The following PTPRD variants were observed in gnomAD, a reference collection of about 807,000 sequenced individuals.
The protein encoded by PTPRD is protein tyrosine phosphatase receptor type D, also known as receptor-type tyrosine-protein phosphatase delta.
In PTPRD, 34 loss-of-function variants were observed where a neutral mutation model predicts 214.5. The observed-to-expected ratio is 0.16, with a 90% CI of 0.12 to 0.21. The LOEUF (loss-of-function observed/expected upper bound fraction) is 0.21. PTPRD is among the 10% of genes least tolerant of loss of function. PTPRD has a pLI of 1.00. For missense variants in PTPRD, 2,545 were observed against 2,398.7 expected (o/e 1.06, Z -1.27); for synonymous variants, 1,128 against 845.7 (o/e 1.33, Z -5.79).
chr9:10,254,971 T>C (rs143997222), intron 3 of PTPRD, among the ~76,000 whole-genome samples: 107 of 152,328 alleles, frequency 7.0e-4, no homozygotes, highest in African/African-American at 2.4e-3. Flanking sequence ...ATGTGCTGTA[T>C]AAAATCTCTT....
intron 7 of PTPRD, among the ~76,000 whole-genome samples, chr9:9,619,709 G>A (rs1256045880): frequency 6.9e-6 from 1 of 144,248 alleles, no homozygotes; most frequent in African/African-American, 2.5e-5. Context: ...AGAAATATAT[G>A]TATTTATATA....
intron 4 of PTPRD, among the ~76,000 whole-genome samples, chr9:10,023,802 T>A (rs1199640488): frequency 6.6e-6 from 1 of 151,854 alleles, no homozygotes; most frequent in Non-Finnish European, 1.5e-5. Flanking sequence ...TTAATAAAGG[T>A]TTAATAAAGG....
chr9:8,796,502 T>A (rs1004325363), intron 11 of PTPRD, among the ~76,000 whole-genome samples: 2 of 152,136 alleles, frequency 1.3e-5, no homozygotes, highest in African/African-American at 4.8e-5. Flanking sequence ...TCAGAGTACT[T>A]GTGACTATCA....
chr9:8,631,579 T>C (rs1035813665), intron 14 of PTPRD, among the ~76,000 whole-genome samples: 3 of 151,876 alleles, frequency 2.0e-5, no homozygotes, highest in African/African-American at 7.2e-5. Context: ...CCAGCTTTTA[T>C]GTTAAACTAT....
chr9:8,467,502 A>C (rs1157003780), intron 31 of PTPRD, among the ~76,000 whole-genome samples: 1 of 151,900 alleles, frequency 6.6e-6, no homozygotes, highest in Non-Finnish European at 1.5e-5. Flanking sequence ...TATTATCCTC[A>C]TTTTATAAAT....
chr9:9,876,043 A>AG (rs1398116431), intron 5 of PTPRD, among the ~76,000 whole-genome samples: 2 of 152,040 alleles, frequency 1.3e-5, no homozygotes, highest in Non-Finnish European at 2.9e-5. Context: ...AAGGAAGCAA[A>AG]GAAGGAAGGA....
At chr9:8,830,295 G>C (rs968748626) in intron 11 of PTPRD, among the ~76,000 whole-genome samples, 13 of 152,072 alleles carry the variant, frequency 8.5e-5, no homozygotes, top group African/African-American at 3.1e-4. Context: ...CTTTTCTACA[G>C]CTTGCTTAGT....
At chr9:9,056,511 G>T (rs191237288) in intron 10 of PTPRD, among the ~76,000 whole-genome samples, 1 of 152,188 alleles carries the variant, frequency 6.6e-6, no homozygotes, top group Non-Finnish European at 1.5e-5. Flanking sequence ...GGTCATTCTC[G>T]AAGTTTATTC....
At chr9:9,602,298 A>G (rs2093831985) in intron 7 of PTPRD, among the ~76,000 whole-genome samples, 1 of 152,050 alleles carries the variant, frequency 6.6e-6, no homozygotes, top group Non-Finnish European at 1.5e-5. Context: ...AGGCCTTTTC[A>G]ATTTGAAATG....
At chr9:9,494,534 G>C (rs1246697260) in intron 8 of PTPRD, among the ~76,000 whole-genome samples, 2 of 152,184 alleles carry the variant, frequency 1.3e-5, no homozygotes, top group African/African-American at 4.8e-5. Flanking sequence ...GATTTGCAAA[G>C]TCAGCACATA....
intron 2 of PTPRD, among the ~76,000 whole-genome samples, chr9:10,591,164 C>T (rs1459323037): frequency 6.6e-6 from 1 of 151,924 alleles, no homozygotes; most frequent in Non-Finnish European, 1.5e-5. Flanking sequence ...TGCTGAATGA[C>T]CCAATTCTAC....
intron 11 of PTPRD, among the ~76,000 whole-genome samples, chr9:8,940,280 C>CTCCTTTGTTT (rs2099023955): frequency 1.6e-4 from 14 of 89,052 alleles, no homozygotes; most frequent in African/African-American, 6.1e-4. Flanking sequence ...TCTCTCTCTC[C>CTCCTTTGTTT]TTTTTTTTTT....
intron 11 of PTPRD, among the ~76,000 whole-genome samples, chr9:8,856,045 A>G (rs887547352): frequency 6.6e-6 from 1 of 152,212 alleles, no homozygotes; most frequent in Non-Finnish European, 1.5e-5. Flanking sequence ...TTTATTGTCC[A>G]TTTAGGATGT....
At chr9:9,459,558 C>A (rs2093433820) in intron 8 of PTPRD, among the ~76,000 whole-genome samples, 1 of 151,934 alleles carries the variant, frequency 6.6e-6, no homozygotes, top group African/African-American at 2.4e-5. Flanking sequence ...GTACATCCAC[C>A]ATTTTCGAGC....
intron 8 of PTPRD, among the ~76,000 whole-genome samples, chr9:9,486,150 CAAAAAAAAAAAAAAAAAAAAAAA>C (rs71319226): frequency 1.3e-4 from 4 of 30,166 alleles, no homozygotes; most frequent in East Asian, 4.4e-3. Flanking sequence ...GACTCTCTCT[CAAAAAAAAAAAAAAAAAAAAAAA>C]AAAAAAAAAA....
At chr9:9,016,052 G>A (rs1180045363) in intron 11 of PTPRD, among the ~76,000 whole-genome samples, 1 of 152,108 alleles carries the variant, frequency 6.6e-6, no homozygotes, top group Non-Finnish European at 1.5e-5. Context: ...AAGGAGGAAA[G>A]AGTTGTAGGA....
intron 11 of PTPRD, among the ~76,000 whole-genome samples, chr9:8,920,080 G>A (rs2098816761): frequency 6.6e-6 from 1 of 152,108 alleles, no homozygotes; most frequent in East Asian, 1.9e-4. Flanking sequence ...GTGGCTCACA[G>A]CTGTAATCCT....
intron 8 of PTPRD, among the ~76,000 whole-genome samples, chr9:9,533,514 T>A (rs1050154542): frequency 2.6e-5 from 4 of 152,114 alleles, no homozygotes; most frequent in Admixed American, 2.0e-4. Flanking sequence ...TCAGGCTGTT[T>A]TAAATTTTTT....
intron 11 of PTPRD, among the ~76,000 whole-genome samples, chr9:8,909,502 T>A (rs1383347682): frequency 2.6e-5 from 4 of 152,152 alleles, no homozygotes; most frequent in Non-Finnish European, 5.9e-5. Context: ...CAAAGCCATA[T>A]GATCATTTCA....
Sources: gnomAD v4.1 joint callset for allele counts (sites outside exome capture counted in the v4.1 genomes callset) on GRCh38, gnomAD v4.1.1 for gene constraint, MANE v1.5 for transcripts, NCBI Gene and HGNC (gene_info 2026-07-23, HGNC 2026-07-21) for gene names.